KCTD20: variants seen among roughly 807,000 people sequenced by gnomAD.
KCTD20 encodes the protein potassium channel tetramerization domain containing 20.
In KCTD20, 30 loss-of-function variants were observed where a neutral mutation model predicts 39.6. The observed-to-expected ratio is 0.76, with a 90% CI of 0.57 to 1.03. The LOEUF is 1.03. Among genes scored for constraint, KCTD20 ranks in the 50% least tolerant of loss-of-function variants. KCTD20 has a pLI of 0.00. For synonymous variants in KCTD20, 162 were observed against 180.6 expected (o/e 0.90, Z 0.83); for missense variants, 422 against 522.0 (o/e 0.81, Z 1.87).
chr6:36,472,735 T>TG (rs1411737489), intron 2 of KCTD20, among the ~76,000 whole-genome samples: 1 of 152,112 alleles, frequency 6.6e-6, no homozygotes, highest in East Asian at 1.9e-4. Context: ...GTAATCACTT[T>TG]GGGGAGCCAA....
rs1013615603 is a variant in KCTD20 at position 36,489,013 on chromosome 6, T to C, written c.*1838T>C. On this transcript the variant is annotated 3_prime_UTR_variant, in exon 8 of 8. Transcript: ENST00000373731. ...GGTAATTTTATTTCTGTGAAACTAATTGGCTCATATTTGAGGTTAGGTGTG... is the reference window on the plus strand; with the variant it reads ...GGTAATTTTATTTCTGTGAAACTAACTGGCTCATATTTGAGGTTAGGTGTG... 5.9e-5 allele frequency: 9 copies of C among 152,690 alleles called. No homozygotes were observed. Among genetic ancestry groups the C allele is most frequent in the South Asian group, 2.1e-4 (1 of 4,832 alleles). 9.5% of individuals were successfully genotyped at this position (152,690 alleles called of 1,614,324 possible). A position where few individuals can be genotyped will look rare whatever the true frequency, so the allele number is the denominator to read the frequency against.
intron 1 of KCTD20, chr6:36,451,678 C>T (rs1011713568): frequency 2.0e-5 from 3 of 152,248 alleles, no homozygotes; most frequent in African/African-American, 4.8e-5. Flanking sequence ...TTTGTAGAAA[C>T]GAGGTCTCAC....
rs202244024 is a variant in KCTD20 at position 36,490,218 on chromosome 6, T to C, written c.*3043T>C. On this transcript the variant is annotated 3_prime_UTR_variant, in exon 8 of 8. Transcript: ENST00000373731. Reference sequence around the variant, plus strand: ...AAAGTGGGATGTGGAGGATTTTTGTTAAGTGTCAATCGAAGTTAAAAAGCA... The same window carrying C: ...AAAGTGGGATGTGGAGGATTTTTGTCAAGTGTCAATCGAAGTTAAAAAGCA... 1 of 151,864 alleles carries C rather than the reference T, an allele frequency of 6.6e-6. No homozygotes were observed. The highest frequency in any genetic ancestry group is 1.5e-5 in the Non-Finnish European group (1 of 67,948). 9.4% of individuals were successfully genotyped at this position (151,864 alleles called of 1,614,324 possible).
In KCTD20 at chr6:36,478,101, A is replaced by AAAAGAAAAG. The variant is rs1554163106; in HGVS notation, c.435-1017_435-1016insGAAAAGAAA. On this transcript the variant is annotated intron_variant, in intron 3 of 7. Coordinates refer to ENST00000373731, the MANE Select transcript of KCTD20 (RefSeq NM_173562.5). ...CAGAGCGAAACTCCATCTCAAAAAA[A>AAAAGAAAAG]AAAAGAAAAGAAAAGCAGCCAGTTC... Among the ~76,000 whole-genome samples, 35 of 145,702 alleles carry AAAAGAAAAG rather than the reference A, an allele frequency of 2.4e-4. 1 individual carries two copies. The highest frequency in any genetic ancestry group is 7.8e-4 in the African/African-American group (30 of 38,646).
rs1582342277 is a variant in KCTD20, at chr6:36,469,953, G to T, written c.-46-99G>T. 1 of 588,204 alleles carries T rather than the reference G, an allele frequency of 1.7e-6. No homozygotes were observed. The highest frequency in any genetic ancestry group is 2.8e-6 in the Non-Finnish European group (1 of 359,400). The allele number at this position is 588,204 out of a possible 1,614,324, so 36.4% of individuals were successfully genotyped here. A position where few individuals can be genotyped will look rare whatever the true frequency, so the allele number is the denominator to read the frequency against. ...AGATGCCTATTTCTCCTGAGAACAGGAATGCTAGCTGTCAGTTTTCTAGTT... is the reference window on the plus strand; with the variant it reads ...AGATGCCTATTTCTCCTGAGAACAGTAATGCTAGCTGTCAGTTTTCTAGTT... On this transcript the variant is annotated intron_variant, in intron 1 of 7. Coordinates refer to ENST00000373731, the MANE Select transcript of KCTD20 (RefSeq NM_173562.5). This position sits in a 1 kb window ranked among gnomAD's most constrained non-coding sequence, Gnocchi z 4.6.
intron 1 of KCTD20, among the ~76,000 whole-genome samples, chr6:36,458,408 G>C (rs1038701291): frequency 6.6e-6 from 1 of 151,564 alleles, no homozygotes; most frequent in Non-Finnish European, 1.5e-5. Flanking sequence ...GGGCGTGGTG[G>C]TGCATGTCTG....
At chr6:36,454,141 T>G (rs375521436) in intron 1 of KCTD20, among the ~76,000 whole-genome samples, 1 of 152,222 alleles carries the variant, frequency 6.6e-6, no homozygotes, top group African/African-American at 2.4e-5. Context: ...AGAATTACTC[T>G]GCAATTGGGT....
chr6:36,481,766 GC>G lies in KCTD20; in HGVS notation c.856+8del. On this transcript the variant is annotated splice_region_variant and intron_variant, in intron 6 of 7. Transcript: ENST00000373731. ...GGGGAGGAATATTCCCAAAGTAGGA[GC>G]TTCTGGCATGGCGTAGATGTTTTCA... 1 of 1,613,598 alleles carries G rather than the reference GC, an allele frequency of 6.2e-7. No individual in the cohort carries two copies. Among genetic ancestry groups the G allele is most frequent in the Non-Finnish European group, 8.5e-7 (1 of 1,179,592 alleles).
chr6:36,467,469 G>C (rs1424060388), intron 1 of KCTD20, among the ~76,000 whole-genome samples: 1 of 148,180 alleles, frequency 6.7e-6, no homozygotes, highest in Non-Finnish European at 1.5e-5. Context: ...CTCCCGAGTA[G>C]CTGGGACTAC....
chr6:36,452,658 C>T (rs1775294654), intron 1 of KCTD20: 1 of 151,754 alleles, frequency 6.6e-6, no homozygotes, highest in East Asian at 1.9e-4. Flanking sequence ...CTGCCCCAGC[C>T]TCCTGAGTAG....
chr6:36,486,190 G>A (rs541489719), intron 7 of KCTD20, among the ~76,000 whole-genome samples: 1 of 152,312 alleles, frequency 6.6e-6, no homozygotes, highest in African/African-American at 2.4e-5. Context: ...TTACAGGTGT[G>A]AGCGACAGTG....
At chr6:36,458,286 C>G (rs1425834600) in intron 1 of KCTD20, among the ~76,000 whole-genome samples, 1 of 151,678 alleles carries the variant, frequency 6.6e-6, no homozygotes, top group Non-Finnish European at 1.5e-5. Flanking sequence ...GCCTGTAATC[C>G]CAGCATTTTT....
chr6:36,453,072 A>G (rs1775315750), intron 1 of KCTD20, among the ~76,000 whole-genome samples: 1 of 129,088 alleles, frequency 7.7e-6, no homozygotes, highest in Non-Finnish European at 1.5e-5. Flanking sequence ...CAGTGGCGCG[A>G]TCTTGGCTCA....
chr6:36,458,060 CCTT>C lies in KCTD20; in HGVS notation c.-46-11988_-46-11986del, dbSNP rs536306583. Among the ~76,000 whole-genome samples the C allele has an allele frequency of 2.5e-4, 38 of 152,000 alleles. No individual in the cohort carries two copies. The East Asian group carries it at 5.5e-3, about 22-fold the overall frequency. The stretch of plus-strand genomic sequence containing the variant: ...ATGTAAGGGCATTAAAAAAATCTAG[CCTT>C]CTTTTTTGAGACAGGGTCTTGCTCT... On this transcript the variant is annotated intron_variant, in intron 1 of 7. Transcript: ENST00000373731.
intron 7 of KCTD20, among the ~76,000 whole-genome samples, chr6:36,486,168 A>G (rs1201783066): frequency 6.6e-6 from 1 of 152,144 alleles, no homozygotes; most frequent in East Asian, 1.9e-4. Context: ...TTGGCCTCCC[A>G]AAGTGCTAGG....
Position 36,488,733 on chromosome 6 carries a change from ATTCCAT to A in KCTD20, c.*1561_*1566del, listed in dbSNP as rs1236878573. The A allele has an allele frequency of 6.6e-6, 1 of 152,264 alleles. No individual in the cohort carries two copies. Among genetic ancestry groups the A allele is most frequent in the African/African-American group, 2.4e-5 (1 of 41,446 alleles). The allele number at this position is 152,264 out of a possible 1,614,324, so 9.4% of individuals were successfully genotyped here. A position where few individuals can be genotyped will look rare whatever the true frequency, so the allele number is the denominator to read the frequency against. On this transcript the variant is annotated 3_prime_UTR_variant, in exon 8 of 8. Transcript: ENST00000373731. ...CATCCTGTGTAGGAGAGGCTACTCGATTCCATTTAATGACTGTCCTAGTCATAATCA... is the reference window on the plus strand; with the variant it reads ...CATCCTGTGTAGGAGAGGCTACTCGATTAATGACTGTCCTAGTCATAATCA...
At chr6:36,449,735 A>G (rs981889863) in intron 1 of KCTD20, among the ~76,000 whole-genome samples, 17 of 152,088 alleles carry the variant, frequency 1.1e-4, no homozygotes. Flanking sequence ...GACATATTGG[A>G]TTAGGGCCCA....
At chr6:36,452,941 G>T (rs1775306433) in intron 1 of KCTD20, among the ~76,000 whole-genome samples, 1 of 149,578 alleles carries the variant, frequency 6.7e-6, no homozygotes, top group South Asian at 2.1e-4. Flanking sequence ...AAGTTGTGCA[G>T]ACATTACCAC....
At chr6:36,457,450 A>G (rs76019396) in intron 1 of KCTD20, among the ~76,000 whole-genome samples, 15,773 of 152,188 alleles carry the variant, frequency 0.1, 1,009 homozygotes, top group Admixed American at 0.22. Flanking sequence ...ACTCACGCCT[A>G]TAATTCCAAT....
Sources: gnomAD v4.1 joint callset for allele counts (sites outside exome capture counted in the v4.1 genomes callset) on GRCh38, gnomAD v4.1.1 for gene constraint, Gnocchi (gnomAD v3.1) non-coding constraint, MANE v1.5 for transcripts, NCBI Gene and HGNC (gene_info 2026-07-23, HGNC 2026-07-21) for gene names.